The following PARD3 variants were observed in gnomAD, a reference collection of about 807,000 sequenced individuals.
The protein encoded by PARD3 is partitioning defective 3 homolog.
PARD3 carries 75 observed loss-of-function variants against 155.4 expected under a neutral mutation model. That is an observed-to-expected ratio of 0.48 (90% confidence interval 0.40 to 0.58). The LOEUF is 0.58. PARD3 is among the 20% of genes least tolerant of loss of function. PARD3 has a pLI of 0.00. For synonymous variants in PARD3, 576 were observed against 610.5 expected (o/e 0.94, Z 0.83); for missense variants, 1,642 against 1,721.7 (o/e 0.95, Z 0.82).
At chr10:34,243,443 T>C (rs1414116777) in intron 22 of PARD3, among the ~76,000 whole-genome samples, 1 of 152,172 alleles carries the variant, frequency 6.6e-6, no homozygotes, top group African/African-American at 2.4e-5. Context: ...AACTCCGAGA[T>C]GTTGTCCAAT....
At chr10:34,781,241 A>G (rs888563177) in intron 1 of PARD3, among the ~76,000 whole-genome samples, 4 of 152,232 alleles carry the variant, frequency 2.6e-5, no homozygotes, top group Admixed American at 2.6e-4. Context: ...CTCACAAGTA[A>G]AAGAGATACC....
chr10:34,579,138 C>T (rs756237398), intron 2 of PARD3, among the ~76,000 whole-genome samples: 34 of 152,072 alleles, frequency 2.2e-4, no homozygotes, highest in African/African-American at 5.6e-4. Context: ...GGCATGGTGG[C>T]GTGCGCCTGT....
chr10:34,312,483 A>G, intron 20 of PARD3: 1 of 1,081,270 alleles, frequency 9.2e-7, no homozygotes, highest in Non-Finnish European at 1.4e-6. Flanking sequence ...TGTATAATCC[A>G]AACTACGACA....
intron 2 of PARD3, among the ~76,000 whole-genome samples, chr10:34,655,564 C>A (rs1167945096): frequency 6.6e-6 from 1 of 152,168 alleles, no homozygotes. Context: ...GCTTTCAAGA[C>A]CTTCCATTTT....
intron 20 of PARD3, chr10:34,312,171 G>T: frequency 9.3e-7 from 1 of 1,078,774 alleles, no homozygotes; most frequent in Non-Finnish European, 1.3e-6. Context: ...TTGAAATCAA[G>T]ATCCAAAAGT....
At chr10:34,518,703 G>T (rs181699738) in intron 2 of PARD3, among the ~76,000 whole-genome samples, 2 of 152,120 alleles carry the variant, frequency 1.3e-5, no homozygotes, top group African/African-American at 4.8e-5. Flanking sequence ...ATAAATAGAA[G>T]GAATGATGGC....
chr10:34,652,972 A>T (rs1041155409), intron 2 of PARD3, among the ~76,000 whole-genome samples: 2 of 152,190 alleles, frequency 1.3e-5, no homozygotes, highest in African/African-American at 4.8e-5. Context: ...TGCTCATTTT[A>T]ATGACAAACC....
chr10:34,750,336 G>A (rs1410607982), intron 1 of PARD3, among the ~76,000 whole-genome samples: 1 of 148,764 alleles, frequency 6.7e-6, no homozygotes, highest in East Asian at 1.9e-4. Flanking sequence ...TGGAAAATAG[G>A]ACATTTCAAG....
At chr10:34,631,740 T>G (rs957244726) in intron 2 of PARD3, among the ~76,000 whole-genome samples, 1 of 152,274 alleles carries the variant, frequency 6.6e-6, no homozygotes, top group Admixed American at 6.5e-5. Context: ...TGAGACTATA[T>G]GCACATGCCA....
intron 2 of PARD3, among the ~76,000 whole-genome samples, chr10:34,583,499 C>T (rs78429736): frequency 0.067 from 10,246 of 152,126 alleles, 381 homozygotes; most frequent in Middle Eastern, 0.089. Context: ...AGTCAAACCA[C>T]TTCAAGTGTC....
rs181546658 is a variant in PARD3 at position 34,765,070 on chromosome 10, C to T, written c.120+49806G>A. Among the ~76,000 whole-genome samples the T allele has an allele frequency of 4.0e-3, 613 of 152,200 alleles. 3 individuals are homozygous for T. The highest frequency in any genetic ancestry group is 0.02 in the Middle Eastern group (6 of 294). On this transcript the variant is annotated intron_variant, in intron 1 of 24. Coordinates refer to ENST00000374788, the MANE Select transcript of PARD3 (RefSeq NM_001184785.2). ...AGCATCCTCCCTTCCTTTTGGTATACGAGAGCCAAAAGTAAACATAGTATT... is the reference window on the plus strand; with the variant it reads ...AGCATCCTCCCTTCCTTTTGGTATATGAGAGCCAAAAGTAAACATAGTATT...
chr10:34,756,496 AAAG>A (rs1836763690), intron 1 of PARD3, among the ~76,000 whole-genome samples: 1 of 149,646 alleles, frequency 6.7e-6, no homozygotes, highest in Admixed American at 6.7e-5. Context: ...AAAAAAAAAA[AAAG>A]AGTCAGCTCT....
intron 5 of PARD3, among the ~76,000 whole-genome samples, chr10:34,444,929 AAAC>A (rs1245174006): frequency 6.6e-6 from 1 of 152,210 alleles, no homozygotes; most frequent in East Asian, 1.9e-4. Flanking sequence ...ATTAAGTAGA[AAAC>A]AGAGCAAAAA....
chr10:34,262,089 T>C (rs1955056731), intron 22 of PARD3, among the ~76,000 whole-genome samples: 1 of 152,150 alleles, frequency 6.6e-6, no homozygotes, highest in Non-Finnish European at 1.5e-5. Context: ...GATGGCTGCA[T>C]CAGAGTCAAC....
At chr10:34,369,316 G>GTTTGTTTA (rs1840337320) in intron 12 of PARD3, among the ~76,000 whole-genome samples, 1 of 56,164 alleles carries the variant, frequency 1.8e-5, no homozygotes, top group Non-Finnish European at 4.4e-5. Context: ...TTATTTATTT[G>GTTTGTTTA]TTTATTTATT....
chr10:34,728,699 A>G (rs1441995112), intron 1 of PARD3, among the ~76,000 whole-genome samples: 1 of 152,172 alleles, frequency 6.6e-6, no homozygotes, highest in Non-Finnish European at 1.5e-5. Context: ...GAATACAACC[A>G]TTTCTGTACT....
intron 2 of PARD3, among the ~76,000 whole-genome samples, chr10:34,618,476 T>A (rs1345971439): frequency 6.6e-6 from 1 of 152,092 alleles, no homozygotes; most frequent in Non-Finnish European, 1.5e-5. Flanking sequence ...AGTGGCAAAG[T>A]AAGTCACAAT....
chr10:34,516,912 G>A, intron 3 of PARD3, 67 bp downstream of exon 3: 1 of 1,440,080 alleles, frequency 6.9e-7, no homozygotes, highest in Non-Finnish European at 9.7e-7. Context: ...GGTCATGGAT[G>A]AATAACAAAA....
chr10:34,546,138 G>A (rs192552651), intron 2 of PARD3, among the ~76,000 whole-genome samples: 8 of 152,214 alleles, frequency 5.3e-5, no homozygotes, highest in African/African-American at 1.9e-4. Context: ...CCAACATATA[G>A]TAACTATTAA....
Sources: gnomAD v4.1 joint callset for allele counts (sites outside exome capture counted in the v4.1 genomes callset) on GRCh38, gnomAD v4.1.1 for gene constraint, MANE v1.5 for transcripts, NCBI Gene and HGNC (gene_info 2026-07-23, HGNC 2026-07-21) for gene names.